DYSF: variants seen among roughly 807,000 people sequenced by gnomAD.
DYSF encodes dystrophy-associated fer-1-like 1.
In DYSF, 212 loss-of-function variants were observed where a neutral mutation model predicts 274.9. That is an observed-to-expected ratio of 0.77 (90% CI 0.69 to 0.86). DYSF has a LOEUF of 0.86. Ranked by LOEUF, DYSF falls within the 40% of genes least tolerant of loss-of-function variation. The probability of loss-of-function intolerance (pLI) is 0.00; values close to 1 mark genes in which losing one functional copy is unlikely to be tolerated. For synonymous variants in DYSF, 1,091 were observed against 1,078.7 expected (o/e 1.01, Z -0.22); for missense variants, 2,666 against 2,783.2 (o/e 0.96, Z 0.95).
At chr2:71,627,459 G>T (rs2094228060) in intron 41 of DYSF, among the ~76,000 whole-genome samples, 1 of 152,014 alleles carries the variant, frequency 6.6e-6, no homozygotes, top group South Asian at 2.1e-4. Flanking sequence ...TAGTCTGTGT[G>T]TAACGATATA....
intron 10 of DYSF, among the ~76,000 whole-genome samples, chr2:71,518,050 C>T (rs2152738416): frequency 6.6e-6 from 1 of 152,094 alleles, no homozygotes; most frequent in East Asian, 1.9e-4. Flanking sequence ...TCACTCTCAC[C>T]CTGGGATGGG....
At chr2:71,513,692 C>G (rs1271818451) in intron 6 of DYSF, 24 bp from the exon 7 acceptor site, 1 of 1,612,302 alleles carries the variant, frequency 6.2e-7, no homozygotes, top group Non-Finnish European at 8.5e-7. Context: ...GGATCCAGGC[C>G]TCATTAGGGC....
At chr2:71,515,951 C>T (rs567136888) in intron 8 of DYSF, among the ~76,000 whole-genome samples, 200 bp downstream of exon 8, 13 of 152,300 alleles carry the variant, frequency 8.5e-5, no homozygotes, top group African/African-American at 3.1e-4. Flanking sequence ...GCTCCACATC[C>T]CTGTCACCCT....
At chr2:71,651,301 C>G (rs2094654798) in intron 42 of DYSF, among the ~76,000 whole-genome samples, 1 of 152,212 alleles carries the variant, frequency 6.6e-6, no homozygotes, top group South Asian at 2.1e-4. Context: ...TTCAGCTAGT[C>G]TACTTTAGAG....
At chr2:71,544,333 T>G (rs2152775815) in intron 17 of DYSF, among the ~76,000 whole-genome samples, 1 of 152,294 alleles carries the variant, frequency 6.6e-6, no homozygotes, top group South Asian at 2.1e-4. Flanking sequence ...GTGCCCAGTT[T>G]CTGGCCGACT....
chr2:71,526,816 A>T (rs1371677914), intron 13 of DYSF, among the ~76,000 whole-genome samples: 1 of 152,228 alleles, frequency 6.6e-6, no homozygotes, highest in Non-Finnish European at 1.5e-5. Context: ...CAGATCCACA[A>T]GGTGACCCAC....
chr2:71,622,243 T>C (rs763533737), intron 41 of DYSF, among the ~76,000 whole-genome samples: 11 of 151,618 alleles, frequency 7.3e-5, no homozygotes, highest in Non-Finnish European at 1.3e-4. Context: ...AATATATGTT[T>C]TCCTCATGAC....
At chr2:71,489,520 T>A (rs4241248) in intron 3 of DYSF, among the ~76,000 whole-genome samples, 1 of 152,116 alleles carries the variant, frequency 6.6e-6, no homozygotes, top group South Asian at 2.1e-4. Flanking sequence ...TGGTGCCATC[T>A]GGGCGGAGGC....
At chr2:71,455,216 C>G (rs2081010376) in intron 1 of DYSF, among the ~76,000 whole-genome samples, 1 of 152,186 alleles carries the variant, frequency 6.6e-6, no homozygotes, top group African/African-American at 2.4e-5. Context: ...AATAAAAGCT[C>G]CGAAAGCACA....
chr2:71,519,855 G>GTTTCACCA (rs747952378), intron 10 of DYSF, among the ~76,000 whole-genome samples: 2 of 133,176 alleles, frequency 1.5e-5, no homozygotes, highest in South Asian at 2.4e-4. Context: ...TAGAGATGGA[G>GTTTCACCA]TTTCACCATG....
chr2:71,481,048 G>C (rs2082840642), intron 2 of DYSF, 110 bp downstream of exon 2: 1 of 1,109,668 alleles, frequency 9.0e-7, no homozygotes, highest in South Asian at 1.3e-5. Context: ...TCCTTGAGGT[G>C]GGGAGGGGCT....
chr2:71,514,283 C>T (rs1359824015), intron 7 of DYSF, among the ~76,000 whole-genome samples: 1 of 152,070 alleles, frequency 6.6e-6, no homozygotes, highest in African/African-American at 2.4e-5. Context: ...GGTCTGTGTC[C>T]AGCACCTTCC....
chr2:71,618,557 GGAGTGTGT>G (rs2093994840), intron 40 of DYSF, among the ~76,000 whole-genome samples: 1 of 142,192 alleles, frequency 7.0e-6, no homozygotes, highest in East Asian at 2.2e-4. Flanking sequence ...TGGTAGAGGT[GGAGTGTGT>G]GTTTGTGTGG....
rs545307989 is a variant in DYSF, at chr2:71,686,676, C to A, written c.*184C>A. ...TTGCTAACATGGAGCTCTGAGATCA[C>A]CCCACTTCCATCATTTCCTTCTCCC... On this transcript the variant is annotated 3_prime_UTR_variant, in exon 56 of 56. Transcript: ENST00000410020. 132 of 687,494 alleles carry A rather than the reference C, an allele frequency of 1.9e-4. 2 individuals carry two copies. The South Asian group carries it at 2.0e-3, about 11-fold the overall frequency. The allele number at this position is 687,494 out of a possible 1,614,324, so 42.6% of individuals were successfully genotyped here.
intron 22 of DYSF, 126 bp downstream of exon 22, chr2:71,556,197 GC>G: frequency 1.3e-6 from 1 of 795,362 alleles, no homozygotes; most frequent in Non-Finnish European, 2.1e-6. Context: ...CAGCAGTCCA[GC>G]CCGTGCTGAG....
rs550325342 is a variant in DYSF, at chr2:71,458,806, C to A, written c.88+4720C>A. 3.9e-5 allele frequency among the ~76,000 whole-genome samples: 6 copies of A among 152,294 alleles called. No individual in the cohort carries two copies. The South Asian group carries it at 6.2e-4, about 16-fold the overall frequency. ...GTGTTTTGTTTAATCCTCCCAACAC[C>A]GCTGCAAACTGTCCTCATTCTTTTG... On this transcript the variant is annotated intron_variant, in intron 1 of 54. Transcript: ENST00000258104.
At chr2:71,611,041 A>C in intron 36 of DYSF, 1 of 619,244 alleles carries the variant, frequency 1.6e-6, no homozygotes, top group Non-Finnish European at 3.0e-6. Context: ...AGGTGCTGGA[A>C]TTGTGATCCT....
chr2:71,520,909 G>A lies in DYSF; in HGVS notation c.1149+5G>A, dbSNP rs1023002894. 14 of 1,613,916 alleles carry A rather than the reference G, an allele frequency of 8.7e-6. No individual in the cohort carries two copies. The highest frequency in any genetic ancestry group is 1.1e-5 in the Non-Finnish European group (13 of 1,179,858). ...GGGCCTGGGGACGAAGCGCCTGTGA[G>A]TACATTTCCCTGGGTCTTCCTTACG... On this transcript the variant is annotated splice_donor_5th_base_variant and intron_variant, in intron 12 of 55. Coordinates refer to ENST00000410020, the MANE Select transcript of DYSF (RefSeq NM_001130987.2).
chr2:71,667,548 C>A, intron 48 of DYSF, 33 bp downstream of exon 48: 1 of 1,613,286 alleles, frequency 6.2e-7, no homozygotes, highest in South Asian at 1.1e-5. Flanking sequence ...CCAGAGTCCT[C>A]GAACTCCAGA....
Sources: allele counts gnomAD v4.1 joint callset (sites outside exome capture counted in the v4.1 genomes callset), GRCh38; gene constraint gnomAD v4.1.1; transcripts MANE v1.5; gene names NCBI Gene and HGNC (gene_info 2026-07-23, HGNC 2026-07-21).